The following MAPK8IP1 variants were observed in gnomAD, a reference collection of about 807,000 sequenced individuals.
The protein encoded by MAPK8IP1 is mitogen-activated protein kinase 8 interacting protein 1.
MAPK8IP1 carries 17 observed loss-of-function variants against 72.6 expected under a neutral mutation model. The observed-to-expected ratio is 0.23, with a 90% CI of 0.16 to 0.35. The LOEUF is 0.35. Ranked by LOEUF, MAPK8IP1 falls within the 10% of genes least tolerant of loss-of-function variation. MAPK8IP1 has a pLI of 1.00. For synonymous variants in MAPK8IP1, 401 were observed against 443.4 expected, an observed-to-expected ratio of 0.90 and a Z score of 1.20; for missense variants, 789 against 1,009.7, an observed-to-expected ratio of 0.78 and a Z score of 2.96.
Position 45,902,552 on chromosome 11 carries a change from C to G in MAPK8IP1, c.785C>G (p.Ser262Trp). ...PAAPPGGRGH[S>W]HRDRIHYQAD... The stretch of plus-strand genomic sequence containing the variant: ...GCCCCGCCTGGGGGTCGGGGCCACT[C>G]GCATCGAGACCGAATCCACTACCAG... Residue 262 changes from serine (S) to tryptophan (W), a missense_variant, in exon 5 of 12, where the codon TCG (serine) becomes TGG (tryptophan). By Grantham distance (177) the Ser-to-Trp change is radical (BLOSUM62 -3). Transcript: ENST00000241014. This position sits in a 1 kb window ranked among gnomAD's most constrained non-coding sequence, Gnocchi z 9.3. 1 of 1,612,384 alleles carries G rather than the reference C, an allele frequency of 6.2e-7. No homozygotes were observed.
intron 1 of MAPK8IP1, among the ~76,000 whole-genome samples, chr11:45,896,277 C>T (rs1366093738): frequency 6.6e-6 from 1 of 152,254 alleles, no homozygotes; most frequent in Non-Finnish European, 1.5e-5. Context: ...TTGGATGCAG[C>T]CTGGGCCCAC....
rs1454364343 is a variant in MAPK8IP1 at position 45,902,393 on chromosome 11, A to C, written c.626A>C (p.Glu209Ala). 2 of 1,573,390 alleles carry C rather than the reference A, an allele frequency of 1.3e-6. No homozygotes were observed. Among genetic ancestry groups the C allele is most frequent in the Non-Finnish European group, 1.7e-6 (2 of 1,160,002 alleles). The change falls in exon 5 of 12, where the codon GAA becomes GCA. Residue 209 changes from glutamate (E) to alanine (A), a missense_variant. Physicochemically the swap from Glu to Ala is moderately radical, Grantham distance 107. Transcript: ENST00000241014. This position sits in a 1 kb window ranked among gnomAD's most constrained non-coding sequence, Gnocchi z 9.3. ...LKTGEQTPPH[E>A]HICLSDELPP... Reference sequence around the variant, plus strand: ...CCAGGGGAGCAGACACCACCGCATGAACACATCTGCCTGAGCGATGAGCTG... The same window carrying C: ...CCAGGGGAGCAGACACCACCGCATGCACACATCTGCCTGAGCGATGAGCTG...
In MAPK8IP1 at chr11:45,905,828, G is replaced by A. The variant is rs2086704118; in HGVS notation, c.*107G>A. The A allele has an allele frequency of 8.9e-7, 1 of 1,127,332 alleles. No individual in the cohort carries two copies. Among genetic ancestry groups the A allele is most frequent in the African/African-American group, 1.5e-5 (1 of 65,578 alleles). 69.8% of individuals were successfully genotyped at this position (1,127,332 alleles called of 1,614,324 possible). ...TGAGGAGGGGCACCTGCCACCGCCA[G>A]AGGACAAGGAAGTGGGGGCCGCTGG... On this transcript the variant is annotated 3_prime_UTR_variant, in exon 12 of 12. Coordinates refer to ENST00000241014, the MANE Select transcript of MAPK8IP1 (RefSeq NM_005456.4).
rs2086678391 is a variant in MAPK8IP1 at position 45,903,784 on chromosome 11, C to G, written c.1494-205C>G. ...ATTTTAGAGGGGGCCCTGCCCACAC[C>G]CTCCCTTGGCCTGTGTTTCCTCGAT... is the stretch of plus-strand genomic sequence containing the variant. On this transcript the variant is annotated intron_variant, in intron 6 of 11. Coordinates refer to ENST00000241014, the MANE Select transcript of MAPK8IP1 (RefSeq NM_005456.4). This position sits in a 1 kb window ranked among gnomAD's most constrained non-coding sequence, Gnocchi z 6.4. 1.3e-5 allele frequency among the ~76,000 whole-genome samples: 2 copies of G among 152,180 alleles called. No homozygotes were observed. Among genetic ancestry groups the G allele is most frequent in the Admixed American group, 6.5e-5 (1 of 15,278 alleles).
rs1400877464 is a variant in MAPK8IP1 at position 45,903,993 on chromosome 11, G to A, written c.1498G>A (p.Val500Met). 3 of 1,613,042 alleles carry A rather than the reference G, an allele frequency of 1.9e-6. No homozygotes were observed. The highest frequency in any genetic ancestry group is 1.1e-5 in the South Asian group (1 of 91,032). ...EQTHRAIFRF[V>M]PRHEDELELE... ...ACCTGTCCTTGCTGGGGACAGGTTT[G>A]TGCCTCGACACGAAGACGAACTTGA... Residue 500 changes from valine (V) to methionine (M), a missense_variant, in exon 7 of 12, where the codon GTG (valine) becomes ATG (methionine). This residue lies in a region of MAPK8IP1 where 188 missense variants were observed against 293.3 expected (regional missense o/e 0.64). Coordinates refer to ENST00000241014, the MANE Select transcript of MAPK8IP1 (RefSeq NM_005456.4). This position sits in a 1 kb window ranked among gnomAD's most constrained non-coding sequence, Gnocchi z 6.4.
chr11:45,906,463 G>A lies in MAPK8IP1; in HGVS notation c.*742G>A. 1.5e-6 allele frequency: 2 copies of A among 1,358,452 alleles called. No homozygotes were observed. The allele number at this position is 1,358,452 out of a possible 1,614,324, so 84.1% of individuals were successfully genotyped here. On this transcript the variant is annotated 3_prime_UTR_variant, in exon 12 of 12. Transcript: ENST00000241014. ...ACTATTAAAGTGCCATTTCCTGTCTGGACTGCAGTGGATGTATCTGCATGG... is the reference window on the plus strand; with the variant it reads ...ACTATTAAAGTGCCATTTCCTGTCTAGACTGCAGTGGATGTATCTGCATGG...
In MAPK8IP1 at chr11:45,905,048, G is replaced by A. The variant is rs777432128; in HGVS notation, c.1964+7G>A. ...ATCATCCAAAGAACAACAAGTAAGT[G>A]GGGGTGGGATGGCAGTGGAGGAGGC... On this transcript the variant is annotated splice_region_variant and intron_variant, in intron 10 of 11. Transcript: ENST00000241014. 5 of 1,614,106 alleles carry A rather than the reference G, an allele frequency of 3.1e-6. No homozygotes were observed. Among genetic ancestry groups the A allele is most frequent in the Non-Finnish European group, 3.4e-6 (4 of 1,180,002 alleles).
At position 45,900,149 on chromosome 11, in the gene MAPK8IP1, C is replaced by T. The variant is rs769360186; in HGVS notation, c.219C>T (p.Ala73=). Residue 73 remains alanine (A), a synonymous_variant, in exon 3 of 12, where the codon GCC becomes GCT. Transcript: ENST00000241014. This position sits in a 1 kb window ranked among gnomAD's most constrained non-coding sequence, Gnocchi z 6.5. ...KDTLSLRPPR[A]GLLSAGGGGA... ...CGTGCGCTGTGCAGCCCCCGCGCGC[C>T]GGGCTGCTCTCTGCGGGCGGCGGCG... 7.0e-6 allele frequency: 9 copies of T among 1,281,076 alleles called. No individual in the cohort carries two copies. Among genetic ancestry groups the T allele is most frequent in the African/African-American group, 6.3e-5 (4 of 63,836 alleles). 79.4% of individuals were successfully genotyped at this position (1,281,076 alleles called of 1,614,324 possible). A position where few individuals can be genotyped will look rare whatever the true frequency, so the allele number is the denominator to read the frequency against.
At position 45,904,821 on chromosome 11, in the gene MAPK8IP1, C is replaced by A. The variant is rs1371581207; in HGVS notation, c.1880C>A (p.Ser627Tyr). ...GVKIGVKADD[S>Y]QEAKGNKCSH... ...AAGATAGGCGTCAAGGCCGATGACT[C>A]CCAGGAGGCCAAGGTGACTTCTTCC... The change falls in exon 9 of 12, where the codon TCC (serine) becomes TAC (tyrosine). Residue 627 changes from serine (S) to tyrosine (Y), a missense_variant. Ser to Tyr is a moderately radical substitution (Grantham distance 144). Coordinates refer to ENST00000241014, the MANE Select transcript of MAPK8IP1 (RefSeq NM_005456.4). The surrounding 1 kb of genome is among the most constrained non-coding windows in gnomAD (Gnocchi z 6.4). 10 of 1,614,088 alleles carry A rather than the reference C, an allele frequency of 6.2e-6. No individual in the cohort carries two copies. The highest frequency in any genetic ancestry group is 8.5e-7 in the Non-Finnish European group (1 of 1,180,020).
chr11:45,902,065 A>C lies in MAPK8IP1; in HGVS notation c.604+4A>C, dbSNP rs1483578190. ...TCATCCTCACCCCTGAAGACAGGTA[A>C]GTCAGGGCCCTCTTCCTTACCTGGA... On this transcript the variant is annotated splice_donor_region_variant and intron_variant, in intron 4 of 11. Coordinates refer to ENST00000241014, the MANE Select transcript of MAPK8IP1 (RefSeq NM_005456.4). The surrounding 1 kb of genome is among the most constrained non-coding windows in gnomAD (Gnocchi z 9.3). 1 of 1,613,354 alleles carries C rather than the reference A, an allele frequency of 6.2e-7. No homozygotes were observed. The highest frequency in any genetic ancestry group is 1.7e-5 in the Admixed American group (1 of 60,004).
At chr11:45,890,700 G>A (rs1287625350) in intron 1 of MAPK8IP1, among the ~76,000 whole-genome samples, 1 of 152,082 alleles carries the variant, frequency 6.6e-6, no homozygotes, top group African/African-American at 2.4e-5. Flanking sequence ...TGGGTGGGGT[G>A]TCCAGTGGGA....
intron 1 of MAPK8IP1, chr11:45,897,071 G>A: frequency 1.9e-6 from 2 of 1,034,106 alleles, no homozygotes; most frequent in South Asian, 2.8e-5. Context: ...GTTCCCCTGG[G>A]GGCTAAGCCA....
In MAPK8IP1 at chr11:45,902,098, C is replaced by T; in HGVS notation, c.604+37C>T. ...CCCTCTTCCTTACCTGGACCTCCGC[C>T]TGCCCTGACTCAGTCCCCACTACAG... On this transcript the variant is annotated intron_variant, in intron 4 of 11. Transcript: ENST00000241014. The surrounding 1 kb of genome is among the most constrained non-coding windows in gnomAD (Gnocchi z 9.3). 6.4e-7 allele frequency: 1 copy of T among 1,556,662 alleles called. No homozygotes were observed. Among genetic ancestry groups the T allele is most frequent in the South Asian group, 1.1e-5 (1 of 89,924 alleles).
intron 1 of MAPK8IP1, among the ~76,000 whole-genome samples, chr11:45,886,967 A>G (rs897916383): frequency 6.6e-6 from 1 of 152,074 alleles, no homozygotes; most frequent in African/African-American, 2.4e-5. Context: ...GATCTCTAAT[A>G]GCATCATCAA....
In MAPK8IP1 at chr11:45,902,095, C is replaced by T. The variant is rs574053212; in HGVS notation, c.604+34C>T. On this transcript the variant is annotated intron_variant, in intron 4 of 11. Coordinates refer to ENST00000241014, the MANE Select transcript of MAPK8IP1 (RefSeq NM_005456.4). The surrounding 1 kb of genome is among the most constrained non-coding windows in gnomAD (Gnocchi z 9.3). ...GGGCCCTCTTCCTTACCTGGACCTC[C>T]GCCTGCCCTGACTCAGTCCCCACTA... 1.1e-4 allele frequency: 167 copies of T among 1,571,026 alleles called. No homozygotes were observed. Among genetic ancestry groups the T allele is most frequent in the South Asian group, 1.8e-4 (16 of 90,216 alleles).
In MAPK8IP1 at chr11:45,900,840, C is replaced by T. The variant is rs1341939137; in HGVS notation, c.522+388C>T. Among the ~76,000 whole-genome samples the T allele has an allele frequency of 6.6e-6, 1 of 152,024 alleles. No homozygotes were observed. Among genetic ancestry groups the T allele is most frequent in the Non-Finnish European group, 1.5e-5 (1 of 68,006 alleles). Reference sequence around the variant, plus strand: ...GGTGAAAGTGGAGCAGGAGCAGGGCCTGGAGAAAAGGGCATCTGAAATGGT... The same window carrying T: ...GGTGAAAGTGGAGCAGGAGCAGGGCTTGGAGAAAAGGGCATCTGAAATGGT... On this transcript the variant is annotated intron_variant, in intron 3 of 11. Coordinates refer to ENST00000241014, the MANE Select transcript of MAPK8IP1 (RefSeq NM_005456.4). The surrounding 1 kb of genome is among the most constrained non-coding windows in gnomAD (Gnocchi z 6.5).
At chr11:45,893,425 G>A (rs2086581216) in intron 1 of MAPK8IP1, among the ~76,000 whole-genome samples, 1 of 152,192 alleles carries the variant, frequency 6.6e-6, no homozygotes, top group Non-Finnish European at 1.5e-5. Context: ...GGAGCTGGCA[G>A]GGCAAAAGCA....
At position 45,904,218 on chromosome 11, in the gene MAPK8IP1, G is replaced by A. The variant is rs913458657; in HGVS notation, c.1666+57G>A. 1.5e-5 allele frequency: 23 copies of A among 1,564,630 alleles called. No individual in the cohort carries two copies. The East Asian group carries it at 4.8e-4, about 33-fold the overall frequency. Reference sequence around the variant, plus strand: ...CCACCACATCTGTCTGCCCCAACTTGCTGCTAGGTGAACGTGTACTCCAGA... The same window carrying A: ...CCACCACATCTGTCTGCCCCAACTTACTGCTAGGTGAACGTGTACTCCAGA... On this transcript the variant is annotated intron_variant, in intron 7 of 11. Transcript: ENST00000241014. The surrounding 1 kb of genome is among the most constrained non-coding windows in gnomAD (Gnocchi z 6.4).
intron 1 of MAPK8IP1, among the ~76,000 whole-genome samples, chr11:45,889,986 G>A (rs2086554216): frequency 6.6e-6 from 1 of 152,230 alleles, no homozygotes; most frequent in Non-Finnish European, 1.5e-5. Flanking sequence ...AGATGGGCTG[G>A]TCGGTGTGAT....
Sources: allele counts gnomAD v4.1 joint callset (sites outside exome capture counted in the v4.1 genomes callset), GRCh38; gene constraint gnomAD v4.1.1; regional missense constraint gnomAD v4.1.1; non-coding constraint Gnocchi (gnomAD v3.1); transcripts MANE v1.5; gene names NCBI Gene and HGNC (gene_info 2026-07-23, HGNC 2026-07-21).